GRM5: variants seen among roughly 807,000 people sequenced by gnomAD.
The protein encoded by GRM5 is glutamate metabotropic receptor 5.
In GRM5, 19 loss-of-function variants were observed where a neutral mutation model predicts 83.1. That is an observed-to-expected ratio of 0.23 (90% CI 0.16 to 0.34). The LOEUF (loss-of-function observed/expected upper bound fraction) is 0.34, where lower values mean the gene tolerates loss of function less well. Among genes scored for constraint, GRM5 ranks in the 10% least tolerant of loss-of-function variants. GRM5 has a pLI of 1.00. For missense variants in GRM5, 1,160 were observed against 1,588.3 expected, an observed-to-expected ratio of 0.73 and a Z score of 4.58; for synonymous variants, 675 against 633.6, an observed-to-expected ratio of 1.07 and a Z score of -0.98.
intron 3 of GRM5, among the ~76,000 whole-genome samples, chr11:88,812,579 A>G (rs11021424): frequency 0.026 from 3,884 of 152,240 alleles, 175 homozygotes; most frequent in African/African-American, 0.089. Flanking sequence ...TTTGTTCTGC[A>G]TTGTTCAGTA....
At chr11:88,596,578 C>T (rs902873519) in intron 6 of GRM5, among the ~76,000 whole-genome samples, 1 of 152,020 alleles carries the variant, frequency 6.6e-6, no homozygotes, top group African/African-American at 2.4e-5. Flanking sequence ...ACTTTTGTCC[C>T]TTTTCTTTTA....
At chr11:88,671,963 A>G (rs1940206739) in intron 3 of GRM5, among the ~76,000 whole-genome samples, 1 of 152,070 alleles carries the variant, frequency 6.6e-6, no homozygotes, top group Admixed American at 6.6e-5. Flanking sequence ...TTTAAACAGA[A>G]AACTTAAAAT....
intron 8 of GRM5, among the ~76,000 whole-genome samples, chr11:88,561,991 T>C (rs1232932815): frequency 6.6e-6 from 1 of 152,098 alleles, no homozygotes; most frequent in Non-Finnish European, 1.5e-5. Flanking sequence ...CTAGCCCCCT[T>C]CTCACTAAAG....
intron 2 of GRM5, among the ~76,000 whole-genome samples, chr11:88,886,839 T>C (rs1439097354): frequency 6.6e-6 from 1 of 152,178 alleles, no homozygotes; most frequent in Non-Finnish European, 1.5e-5. Flanking sequence ...TAATCTTGTT[T>C]GGCAAGATCA....
intron 3 of GRM5, among the ~76,000 whole-genome samples, chr11:88,839,554 T>C (rs1944158750): frequency 6.6e-6 from 1 of 152,218 alleles, no homozygotes; most frequent in Admixed American, 6.5e-5. Flanking sequence ...GACACAGAAA[T>C]ACAAGTGCTT....
intron 8 of GRM5, among the ~76,000 whole-genome samples, chr11:88,535,387 T>A (rs1470718864): frequency 2.0e-5 from 3 of 152,152 alleles, no homozygotes; most frequent in Non-Finnish European, 4.4e-5. Context: ...CTGTGGACAG[T>A]GGTCTGGATG....
intron 2 of GRM5, among the ~76,000 whole-genome samples, chr11:88,954,928 T>C (rs1264956075): frequency 2.0e-5 from 3 of 152,196 alleles, no homozygotes. Flanking sequence ...TTTAAAAGAC[T>C]GAATGTAAAA....
chr11:88,783,014 G>T lies in GRM5; in HGVS notation c.911+66892C>A, dbSNP rs145308553. On this transcript the variant is annotated intron_variant, in intron 3 of 9. Transcript: ENST00000305447. ...TAAGCTATTTGCTAAGGATCACCATGCTAGATTGTGGCAAAACTAGATCCA... is the reference window on the plus strand; with the variant it reads ...TAAGCTATTTGCTAAGGATCACCATTCTAGATTGTGGCAAAACTAGATCCA... Among the ~76,000 whole-genome samples, 322 of 152,268 alleles carry T rather than the reference G, an allele frequency of 2.1e-3. 12 individuals carry two copies. In the East Asian group the frequency reaches 0.055, roughly 26 times the overall value.
intron 3 of GRM5, among the ~76,000 whole-genome samples, chr11:88,712,511 A>G (rs1031465929): frequency 6.6e-6 from 1 of 151,988 alleles, no homozygotes; most frequent in Non-Finnish European, 1.5e-5. Flanking sequence ...TGTGAAATTG[A>G]GTCTGAAAGT....
At chr11:88,759,793 G>T (rs1404783879) in intron 3 of GRM5, among the ~76,000 whole-genome samples, 1 of 151,796 alleles carries the variant, frequency 6.6e-6, no homozygotes, top group Non-Finnish European at 1.5e-5. Flanking sequence ...TTGCCACATG[G>T]TACATATTTT....
intron 3 of GRM5, among the ~76,000 whole-genome samples, chr11:88,846,439 A>G (rs1264198126): frequency 1.3e-5 from 2 of 152,214 alleles, no homozygotes; most frequent in African/African-American, 4.8e-5. Flanking sequence ...GATTACCCAC[A>G]GCTCAAATGG....
chr11:89,045,683 C>T (rs1366800245), intron 2 of GRM5, among the ~76,000 whole-genome samples: 1 of 152,068 alleles, frequency 6.6e-6, no homozygotes, highest in East Asian at 1.9e-4. Context: ...TCACTTGGGG[C>T]ACAATTGAAT....
chr11:88,821,139 A>G (rs4628675), intron 3 of GRM5, among the ~76,000 whole-genome samples: 40,644 of 151,834 alleles, frequency 0.27, 5,835 homozygotes, highest in South Asian at 0.54. Context: ...ATGGCCATAG[A>G]TAAGAAGATA....
chr11:88,844,359 C>T (rs987325179), intron 3 of GRM5, among the ~76,000 whole-genome samples: 2 of 104,582 alleles, frequency 1.9e-5, no homozygotes, highest in African/African-American at 5.7e-5. Context: ...AGAATTACTA[C>T]ACACACACAC....
intron 3 of GRM5, among the ~76,000 whole-genome samples, chr11:88,828,655 A>T (rs977669110): frequency 5.9e-5 from 9 of 152,192 alleles, no homozygotes; most frequent in African/African-American, 2.2e-4. Flanking sequence ...AATGTAATAA[A>T]TCAAGAAAAT....
intron 8 of GRM5, among the ~76,000 whole-genome samples, chr11:88,527,678 A>T (rs769346435): frequency 1.6e-4 from 25 of 152,188 alleles, no homozygotes; most frequent in Non-Finnish European, 2.9e-4. Context: ...TAACAAAGTC[A>T]TGGAATCAAC....
At chr11:88,792,140 A>C (rs1205133461) in intron 3 of GRM5, among the ~76,000 whole-genome samples, 1 of 152,092 alleles carries the variant, frequency 6.6e-6, no homozygotes, top group African/African-American at 2.4e-5. Context: ...TAGTTTTTTA[A>C]AAAAATATTG....
chr11:89,051,053 C>A (rs1370094908), intron 1 of GRM5, among the ~76,000 whole-genome samples: 5 of 151,980 alleles, frequency 3.3e-5, no homozygotes, highest in African/African-American at 4.8e-5. Context: ...CCCATGACAC[C>A]AGTTTATGTA....
chr11:89,001,651 A>G (rs1940384876), intron 2 of GRM5, among the ~76,000 whole-genome samples: 1 of 152,142 alleles, frequency 6.6e-6, no homozygotes, highest in Non-Finnish European at 1.5e-5. Flanking sequence ...TACACTGGCT[A>G]TAATTTGTAC....
Sources: gnomAD v4.1 joint callset for allele counts (sites outside exome capture counted in the v4.1 genomes callset) on GRCh38, gnomAD v4.1.1 for gene constraint, MANE v1.5 for transcripts, NCBI Gene and HGNC (gene_info 2026-07-23, HGNC 2026-07-21) for gene names.